Variants in CR2 observed in about 807,000 individuals in gnomAD.
CR2 encodes the protein complement receptor type 2.
Under a neutral mutation model 123.0 loss-of-function variants are expected in CR2, and 96 were observed. The observed-to-expected ratio is 0.78, with a 90% CI of 0.66 to 0.93. CR2 has a LOEUF of 0.93. CR2 is among the 40% of genes least tolerant of loss of function. The probability of loss-of-function intolerance (pLI) is 0.00; values close to 1 mark genes in which losing one functional copy is unlikely to be tolerated. For missense variants in CR2, 1,258 were observed against 1,361.0 expected (o/e 0.92, Z 1.19); for synonymous variants, 484 against 469.5 (o/e 1.03, Z -0.40).
At chr1:207,460,936 T>C (rs898285828) in intron 1 of CR2, among the ~76,000 whole-genome samples, 1 of 152,084 alleles carries the variant, frequency 6.6e-6, no homozygotes, top group African/African-American at 2.4e-5. Flanking sequence ...GCATTAACGG[T>C]TTAATAGCTA....
intron 18 of CR2, 43 bp downstream of exon 18, chr1:207,480,096 T>G: frequency 7.0e-7 from 1 of 1,434,734 alleles, no homozygotes; most frequent in Non-Finnish European, 9.8e-7. Context: ...CATGCACAAG[T>G]GGTTTCGGCT....
intron 12 of CR2, 91 bp from the exon 13 acceptor site, chr1:207,474,150 A>G (rs1232090711): frequency 2.6e-6 from 3 of 1,151,508 alleles, no homozygotes; most frequent in Non-Finnish European, 3.9e-6. Flanking sequence ...CCTCTCTGCC[A>G]AAGTTCTTAT....
chr1:207,469,842 C>T lies in CR2; in HGVS notation c.965C>T (p.Thr322Ile). 6.2e-7 allele frequency: 1 copy of T among 1,614,016 alleles called. No individual in the cohort carries two copies. The highest frequency in any genetic ancestry group is 1.1e-5 in the South Asian group (1 of 91,090). The change falls in exon 6 of 20, where the codon ACT (threonine) becomes ATT (isoleucine). Residue 322 changes from threonine (T) to isoleucine (I), a missense_variant. Coordinates refer to ENST00000367057, the MANE Select transcript of CR2 (RefSeq NM_001006658.3). The part of the protein sequence containing the change: ...GVNFILIGES[T>I]LRCTVDSQKT... The stretch of plus-strand genomic sequence containing the variant: ...AACTTCATCCTTATTGGAGAGAGCA[C>T]TCTCCGTTGTACAGTTGATAGTCAG...
In CR2 at chr1:207,470,999, G is replaced by C. The variant is rs1367876577; in HGVS notation, c.1405G>C (p.Ala469Pro). 1 of 1,613,774 alleles carries C rather than the reference G, an allele frequency of 6.2e-7. No individual in the cohort carries two copies. The highest frequency in any genetic ancestry group is 8.5e-7 in the Non-Finnish European group (1 of 1,179,822). Residue 469 changes from alanine (A) to proline (P), a missense_variant and splice_region_variant, in exon 8 of 20, where the codon GCA (alanine) becomes CCA (proline). Ala to Pro is a conservative substitution (Grantham distance 27). Coordinates refer to ENST00000367057, the MANE Select transcript of CR2 (RefSeq NM_001006658.3). The stretch of plus-strand genomic sequence containing the variant: ...CTCATCCTAGTCTCTTTTCTTAGTG[G>C]CAGCGTGTGAAGCTACAGGAAGGCA... ...WTPPVPQCKV[A>P]ACEATGRQLL...
At chr1:207,457,046 C>T (rs1194756839) in intron 1 of CR2, among the ~76,000 whole-genome samples, 1 of 152,202 alleles carries the variant, frequency 6.6e-6, no homozygotes, top group African/African-American at 2.4e-5. Flanking sequence ...CTCTCCAATA[C>T]AAAACTGTGT....
chr1:207,457,820 G>C lies in CR2; in HGVS notation c.58+3344G>C, dbSNP rs563641582. Among the ~76,000 whole-genome samples, 12 of 152,134 alleles carry C rather than the reference G, an allele frequency of 7.9e-5. No individual in the cohort carries two copies. The East Asian group carries it at 1.9e-3, about 24-fold the overall frequency. Reference sequence around the variant, plus strand: ...TCTCTAAATATTAGAGGGTCTTGGGGCTCAGCCCTGAGCCTCTTCTTTCTT... The same window carrying C: ...TCTCTAAATATTAGAGGGTCTTGGGCCTCAGCCCTGAGCCTCTTCTTTCTT... On this transcript the variant is annotated intron_variant, in intron 1 of 19. Transcript: ENST00000367057.
At chr1:207,466,369 T>C (rs777567462) in intron 1 of CR2, among the ~76,000 whole-genome samples, 157 bp from the exon 2 acceptor site, 58 of 152,228 alleles carry the variant, frequency 3.8e-4, no homozygotes, top group Admixed American at 3.9e-4. Flanking sequence ...GGTAAGAATT[T>C]AGGAGTTTGG....
At chr1:207,484,944 G>C (rs886157479) in intron 18 of CR2, among the ~76,000 whole-genome samples, 6 of 152,238 alleles carry the variant, frequency 3.9e-5, no homozygotes, top group Admixed American at 1.3e-4. Flanking sequence ...AAGCGTCCTG[G>C]ATCCTAGGGT....
chr1:207,481,535 G>T lies in CR2; in HGVS notation c.3188+1482G>T, dbSNP rs573365647. On this transcript the variant is annotated intron_variant, in intron 18 of 19. Transcript: ENST00000367057. Reference sequence around the variant, plus strand: ...TTGCAGATAGGCTATAGAATTATTTGCACCACGACTACACCTCCCATACCC... The same window carrying T: ...TTGCAGATAGGCTATAGAATTATTTTCACCACGACTACACCTCCCATACCC... Among the ~76,000 whole-genome samples, 4 of 151,914 alleles carry T rather than the reference G, an allele frequency of 2.6e-5. No individual in the cohort carries two copies. The South Asian group carries it at 8.3e-4, about 32-fold the overall frequency.
At position 207,472,791 on chromosome 1, in the gene CR2, C is replaced by T. The variant is rs769755477; in HGVS notation, c.1590C>T (p.Pro530=). ...CTCTAGAAATCACCTGCCCACCACC[C>T]CCTGTTATCTACAATGGGGCACACA... ...RLCKEITCPP[P]PVIYNGAHTG... is the part of the protein sequence containing the mutation. Residue 530 remains proline, a synonymous_variant, in exon 10 of 20, where the codon CCC becomes CCT. Coordinates refer to ENST00000367057, the MANE Select transcript of CR2 (RefSeq NM_001006658.3). 2.5e-6 allele frequency: 4 copies of T among 1,613,860 alleles called. No individual in the cohort carries two copies. The South Asian group carries it at 4.4e-5, about 18-fold the overall frequency.
At position 207,454,436 on chromosome 1, in the gene CR2, G is replaced by T; in HGVS notation, c.18G>T (p.Leu6=). 2 of 1,585,220 alleles carry T rather than the reference G, an allele frequency of 1.3e-6. No individual in the cohort carries two copies. Among genetic ancestry groups the T allele is most frequent in the Non-Finnish European group, 1.7e-6 (2 of 1,172,210 alleles). MGAAG[L]LGVFLALVAP... is the part of the protein sequence containing the mutation. ...GCCGTGGCATGGGCGCCGCGGGCCT[G>T]CTCGGGGTTTTCTTGGCTCTCGTCG... The change falls in exon 1 of 20, where the codon CTG becomes CTT. Residue 6 remains leucine (L), a synonymous_variant. Transcript: ENST00000367057. The surrounding 1 kb of genome is among the most constrained non-coding windows in gnomAD (Gnocchi z 4.3).
intron 10 of CR2, 27 bp downstream of exon 10, chr1:207,473,206 G>A (rs750750273): frequency 1.9e-6 from 3 of 1,611,202 alleles, no homozygotes; most frequent in Admixed American, 3.3e-5. Context: ...GGGGAAAAAA[G>A]GAGAGATTTA....
chr1:207,478,092 G>A (rs760680639), intron 16 of CR2, 22 bp downstream of exon 16: 18 of 1,609,664 alleles, frequency 1.1e-5, no homozygotes, highest in African/African-American at 2.7e-5. Flanking sequence ...GGGCTTCACC[G>A]CCGCTTGTAA....
At position 207,474,259 on chromosome 1, in the gene CR2, T is replaced by G; in HGVS notation, c.2259T>G (p.His753Gln). The G allele has an allele frequency of 1.2e-6, 2 of 1,613,240 alleles. No homozygotes were observed. The highest frequency in any genetic ancestry group is 1.7e-6 in the Non-Finnish European group (2 of 1,179,264). Residue 753 changes from histidine (H) to glutamine (Q), a missense_variant, in exon 13 of 20, where the codon CAT becomes CAG. Physicochemically the swap from His to Gln is conservative, Grantham distance 24. Transcript: ENST00000367057. Reference sequence around the variant, plus strand: ...TCTGTAGGTACCAGTTGACTGGACATGCTTATCAGATGTGTCAAGATGCTG... The same window carrying G: ...TCTGTAGGTACCAGTTGACTGGACAGGCTTATCAGATGTGTCAAGATGCTG... ...SCQDGYQLTG[H>Q]AYQMCQDAEN...
At chr1:207,456,827 T>G (rs1010989224) in intron 1 of CR2, among the ~76,000 whole-genome samples, 6 of 152,194 alleles carry the variant, frequency 3.9e-5, no homozygotes, top group African/African-American at 1.4e-4. Context: ...GCCTTCTGCC[T>G]CTCCCTGAAA....
At chr1:207,464,122 C>A (rs1268621022) in intron 1 of CR2, among the ~76,000 whole-genome samples, 1 of 152,180 alleles carries the variant, frequency 6.6e-6, no homozygotes, top group East Asian at 1.9e-4. Flanking sequence ...AAGTAAGCCA[C>A]CCTAGGTCCC....
intron 1 of CR2, among the ~76,000 whole-genome samples, chr1:207,457,946 T>C (rs370417516): frequency 2.5e-4 from 38 of 152,196 alleles, no homozygotes; most frequent in East Asian, 7.7e-4. Context: ...TTCTGTCCTC[T>C]CTCCTGAGCT....
chr1:207,462,533 A>C lies in CR2; in HGVS notation c.59-3993A>C, dbSNP rs1453287830. On this transcript the variant is annotated intron_variant, in intron 1 of 19. Coordinates refer to ENST00000367057, the MANE Select transcript of CR2 (RefSeq NM_001006658.3). ...CAGTGGTAAGTCATAGTAAGTTTTT[A>C]AATGTGCAGAGTGGCATGACCACAT... is the stretch of plus-strand genomic sequence containing the variant. Among the ~76,000 whole-genome samples, 3 of 152,214 alleles carry C rather than the reference A, an allele frequency of 2.0e-5. No homozygotes were observed. The East Asian group carries it at 5.8e-4, about 29-fold the overall frequency.
At chr1:207,464,994 G>A (rs1658058571) in intron 1 of CR2, among the ~76,000 whole-genome samples, 1 of 152,138 alleles carries the variant, frequency 6.6e-6, no homozygotes, top group Admixed American at 6.5e-5. Context: ...GCAATGGCGT[G>A]ATCTTGGCTC....
Sources: allele counts gnomAD v4.1 joint callset (sites outside exome capture counted in the v4.1 genomes callset), GRCh38; gene constraint gnomAD v4.1.1; non-coding constraint Gnocchi (gnomAD v3.1); transcripts MANE v1.5; gene names NCBI Gene and HGNC (gene_info 2026-07-23, HGNC 2026-07-21).